Variants in MAP3K15 observed in about 807,000 individuals in gnomAD.
The protein encoded by MAP3K15 is MAPK/ERK kinase kinase 15.
A neutral mutation model predicts 99.5 loss-of-function variants in MAP3K15; 124 were observed. The observed-to-expected ratio is 1.25, with a 90% CI of 1.08 to 1.45. The LOEUF (loss-of-function observed/expected upper bound fraction) is 1.45, where lower values mean the gene tolerates loss of function less well. Among genes scored for constraint, MAP3K15 ranks in the 40% most tolerant of loss-of-function variants. The pLI is 0.00. For synonymous variants in MAP3K15, 494 were observed against 439.6 expected, an observed-to-expected ratio of 1.12 and a Z score of -1.55; for missense variants, 1,242 against 1,079.7, an observed-to-expected ratio of 1.15 and a Z score of -2.11.
intron 25 of MAP3K15, among the ~76,000 whole-genome samples, chrX:19,366,006 CAAAAAAAAAAA>C (rs1172350617): frequency 4.5e-4 from 9 of 20,106 alleles, no homozygotes; most frequent in Non-Finnish European, 9.6e-4. Context: ...GCCTCCATCT[CAAAAAAAAAAA>C]AAAAAAAAAA....
intron 1 of MAP3K15, among the ~76,000 whole-genome samples, chrX:19,514,108 G>A (rs918413692): frequency 4.5e-5 from 5 of 110,252 alleles, no homozygotes; most frequent in African/African-American, 1.7e-4. Flanking sequence ...TTTCTAAGTA[G>A]AGGCAACACA....
At chrX:19,408,314 C>T (rs1170394148) in intron 12 of MAP3K15, among the ~76,000 whole-genome samples, 1 of 111,931 alleles carries the variant, frequency 8.9e-6, no homozygotes, top group South Asian at 3.8e-4. Context: ...ACAGAAGGAT[C>T]TTGACTACCT....
At chrX:19,375,450 G>A (rs1193985983) in intron 19 of MAP3K15, among the ~76,000 whole-genome samples, 1 of 112,086 alleles carries the variant, frequency 8.9e-6, no homozygotes, top group Non-Finnish European at 1.9e-5. Flanking sequence ...GTGACCTGTA[G>A]GGAAGTAAGA....
At chrX:19,417,420 C>T (rs144186583) in intron 9 of MAP3K15, among the ~76,000 whole-genome samples, 4,161 of 112,034 alleles carry the variant, frequency 0.037, 193 homozygotes, top group African/African-American at 0.13. Context: ...CTCAGAGGGT[C>T]CTACGCCCAG....
intron 9 of MAP3K15, among the ~76,000 whole-genome samples, chrX:19,418,111 T>C (rs1027352664): frequency 1.8e-5 from 2 of 111,287 alleles, no homozygotes; most frequent in Non-Finnish European, 3.8e-5. Flanking sequence ...GCAGAAAAAC[T>C]GGAAACTCTA....
rs888452814 is a variant in MAP3K15 at position 19,373,772 on chromosome X, C to G, written c.2774-77G>C. 3.7e-6 allele frequency: 4 copies of G among 1,078,410 alleles called. No homozygotes were observed. In the African/African-American group the frequency reaches 7.3e-5, roughly 20 times the overall value. 88.9% of individuals were successfully genotyped at this position (1,078,410 alleles called of 1,213,427 possible). On this transcript the variant is annotated intron_variant, in intron 20 of 28. Coordinates refer to ENST00000338883, the MANE Select transcript of MAP3K15 (RefSeq NM_001001671.4). ...TGGAGCTGAGTCCCTGGCAGCCCCT[C>G]AAGCCCAGGTGAACCGCCCAGGCAC...
chrX:19,395,262 C>T, intron 15 of MAP3K15, 54 bp from the exon 16 acceptor site: 5 of 1,128,251 alleles, frequency 4.4e-6, no homozygotes, highest in Non-Finnish European at 6.0e-6. Flanking sequence ...GACTCTAGAA[C>T]CACATCTCAC....
chrX:19,432,692 C>A (rs1219981297), intron 6 of MAP3K15, among the ~76,000 whole-genome samples: 17 of 109,064 alleles, frequency 1.6e-4, no homozygotes, highest in African/African-American at 5.7e-4. Context: ...ATAATGTAAT[C>A]ATGACTATGT....
intron 23 of MAP3K15, 120 bp from the exon 24 acceptor site, chrX:19,371,184 A>C (rs771883623): frequency 8.9e-6 from 7 of 787,505 alleles, no homozygotes; most frequent in Non-Finnish European, 1.3e-5. Flanking sequence ...GCAATCAGCC[A>C]GTTCACCCAG....
intron 3 of MAP3K15, among the ~76,000 whole-genome samples, chrX:19,485,600 T>C (rs2064319027): frequency 9.0e-6 from 1 of 111,177 alleles, no homozygotes; most frequent in African/African-American, 3.3e-5. Context: ...GCCCCCAAGC[T>C]GCAGGTTGGG....
chrX:19,440,886 G>GAGAT (rs2063954571), intron 6 of MAP3K15, among the ~76,000 whole-genome samples: 1 of 112,481 alleles, frequency 8.9e-6, no homozygotes, highest in Non-Finnish European at 1.9e-5. Context: ...CCCTTGAAGT[G>GAGAT]AGATTAGGAC....
chrX:19,463,851 T>C (rs1024699873), intron 4 of MAP3K15, among the ~76,000 whole-genome samples: 8 of 110,071 alleles, frequency 7.3e-5, no homozygotes, highest in Admixed American at 9.8e-5. Context: ...TGTAAAGCCA[T>C]GCTCAGAAAT....
At chrX:19,457,945 G>A (rs1417660239) in intron 5 of MAP3K15, among the ~76,000 whole-genome samples, 1 of 111,837 alleles carries the variant, frequency 8.9e-6, no homozygotes, top group Non-Finnish European at 1.9e-5. Flanking sequence ...TGCCAAAAAA[G>A]TCCTTGGGTT....
intron 18 of MAP3K15, among the ~76,000 whole-genome samples, chrX:19,380,765 C>A (rs1254525959): frequency 8.9e-6 from 1 of 112,689 alleles, no homozygotes; most frequent in Non-Finnish European, 1.9e-5. Flanking sequence ...AGGTGATGTG[C>A]CTGCCTCAGC....
At chrX:19,467,690 C>A (rs979883699) in intron 3 of MAP3K15, among the ~76,000 whole-genome samples, 30 of 35,461 alleles carry the variant, frequency 8.5e-4, no homozygotes, top group Non-Finnish European at 2.4e-3. Context: ...TTGCTTAAAC[C>A]CGGGAGGCAG....
At chrX:19,373,169 G>A (rs770412795) in intron 21 of MAP3K15, 8 of 199,963 alleles carry the variant, frequency 4.0e-5, no homozygotes, top group Non-Finnish European at 6.1e-5. Context: ...AAGGAGGAAG[G>A]GAGGAGGAGG....
At chrX:19,384,220 G>A (rs188453294) in intron 18 of MAP3K15, among the ~76,000 whole-genome samples, 2 of 111,174 alleles carry the variant, frequency 1.8e-5, no homozygotes, top group Admixed American at 9.6e-5. Flanking sequence ...TATATAAAGC[G>A]AAATAAGTCA....
chrX:19,506,544 G>A (rs774141691), intron 1 of MAP3K15, among the ~76,000 whole-genome samples: 7 of 111,757 alleles, frequency 6.3e-5, no homozygotes, highest in African/African-American at 9.8e-5. Context: ...TTCTTGAGAC[G>A]GAGTCTTGCT....
At chrX:19,432,866 A>G (rs952389274) in intron 6 of MAP3K15, among the ~76,000 whole-genome samples, 1 of 109,966 alleles carries the variant, frequency 9.1e-6, no homozygotes, top group African/African-American at 3.3e-5. Flanking sequence ...ACAGGCATGC[A>G]CCACCACGCC....
Sources: gnomAD v4.1 joint callset for allele counts (sites outside exome capture counted in the v4.1 genomes callset) on GRCh38, gnomAD v4.1.1 for gene constraint, MANE v1.5 for transcripts, NCBI Gene and HGNC (gene_info 2026-07-23, HGNC 2026-07-21) for gene names.